OCA2: variants seen among roughly 807,000 people sequenced by gnomAD.
OCA2 encodes OCA2 melanosomal transmembrane protein.
OCA2 carries 77 observed loss-of-function variants against 100.2 expected under a neutral mutation model. That is an observed-to-expected ratio of 0.77 (90% CI 0.64 to 0.93). The LOEUF is 0.93. Among genes scored for constraint, OCA2 ranks in the 40% least tolerant of loss-of-function variants. The probability of loss-of-function intolerance (pLI) is 0.00; values close to 1 mark genes in which losing one functional copy is unlikely to be tolerated. For synonymous variants in OCA2, 432 were observed against 439.2 expected (o/e 0.98, Z 0.21); for missense variants, 1,062 against 1,089.1 (o/e 0.98, Z 0.35).
At chr15:27,853,340 G>A (rs62003800) in intron 21 of OCA2, among the ~76,000 whole-genome samples, 43,600 of 133,252 alleles carry the variant, frequency 0.33, 6,113 homozygotes, top group Middle Eastern at 0.48. Flanking sequence ...ACCAAACACC[G>A]CATATTCTCA....
At chr15:28,023,821 C>G (rs762458538) in intron 5 of OCA2, among the ~76,000 whole-genome samples, 2 of 150,480 alleles carry the variant, frequency 1.3e-5, no homozygotes, top group Non-Finnish European at 3.0e-5. Context: ...CAGAGACATA[C>G]AGCAGGCACA....
intron 23 of OCA2, among the ~76,000 whole-genome samples, chr15:27,776,974 T>TGGGGGGGGGGGGGG (rs368182175): frequency 2.3e-5 from 1 of 43,166 alleles, no homozygotes; most frequent in African/African-American, 5.8e-5. Flanking sequence ...GAGCGTGAGG[T>TGGGGGGGGGGGGGG]GGGGGGGGGT....
chr15:27,791,667 A>T (rs2033088304), intron 23 of OCA2, among the ~76,000 whole-genome samples: 1 of 152,190 alleles, frequency 6.6e-6, no homozygotes, highest in African/African-American at 2.4e-5. Context: ...CGCAAAATAT[A>T]AACTCTTTAA....
chr15:27,723,682 C>T, the OCA2 span, among the ~76,000 whole-genome samples: 4 of 152,196 alleles, frequency 2.6e-5, no homozygotes, highest in Non-Finnish European at 4.4e-5. Flanking sequence ...CTCCGCCCAT[C>T]CTTGGTGAGT....
At chr15:27,750,328 A>C (rs778699231), downstream of OCA2, among the ~76,000 whole-genome samples, 49 of 152,348 alleles carry the variant, frequency 3.2e-4, no homozygotes, top group Middle Eastern at 6.8e-3. Flanking sequence ...ATGGAATCTA[A>C]GTATATTACA....
chr15:28,018,612 GC>G lies in OCA2; in HGVS notation c.647-56del. The stretch of plus-strand genomic sequence containing the variant: ...CAGACAGGAGAAACCCCATGTCCCC[GC>G]CGCCCGCCAGACGCACACCCTCCTC... On this transcript the variant is annotated intron_variant, in intron 6 of 23. Transcript: ENST00000354638. 3 of 1,544,444 alleles carry G rather than the reference GC, an allele frequency of 1.9e-6. No individual in the cohort carries two copies. The South Asian group carries it at 3.4e-5, about 18-fold the overall frequency.
intron 2 of OCA2, among the ~76,000 whole-genome samples, chr15:28,074,061 C>T (rs3935880): frequency 0.071 from 10,794 of 151,940 alleles, 1,157 homozygotes; most frequent in African/African-American, 0.23. Flanking sequence ...AGGAATGTTA[C>T]ATAAATCAAC....
At chr15:27,985,663 C>T (rs1287628227) in intron 12 of OCA2, among the ~76,000 whole-genome samples, 2 of 151,620 alleles carry the variant, frequency 1.3e-5, no homozygotes, top group South Asian at 2.1e-4. Flanking sequence ...ACAGTTCCAT[C>T]ATTCAGAGTT....
At chr15:27,814,615 C>T (rs569366911) in intron 23 of OCA2, among the ~76,000 whole-genome samples, 6 of 152,290 alleles carry the variant, frequency 3.9e-5, no homozygotes, top group Admixed American at 1.3e-4. Flanking sequence ...CCGTGGCTCA[C>T]GCCTGAAATC....
At chr15:27,802,777 G>C (rs1566975145) in intron 23 of OCA2, among the ~76,000 whole-genome samples, 2 of 151,946 alleles carry the variant, frequency 1.3e-5, no homozygotes, top group Non-Finnish European at 2.9e-5. Flanking sequence ...AACTCAGGAG[G>C]GATCACAGAC....
intron 1 of OCA2, among the ~76,000 whole-genome samples, chr15:28,083,915 C>G (rs534508884): frequency 7.2e-5 from 11 of 152,214 alleles, no homozygotes; most frequent in Admixed American, 6.5e-4. Context: ...TCCTAAAACA[C>G]CCAGCTTCTT....
intron 17 of OCA2, among the ~76,000 whole-genome samples, chr15:27,952,158 G>A (rs2040053641): frequency 6.6e-6 from 1 of 152,216 alleles, no homozygotes; most frequent in African/African-American, 2.4e-5. Flanking sequence ...GCAGGTATCA[G>A]AGGATGACGG....
At chr15:27,875,745 A>G (rs1269348040) in intron 19 of OCA2, among the ~76,000 whole-genome samples, 2 of 151,786 alleles carry the variant, frequency 1.3e-5, no homozygotes. Flanking sequence ...CTTTTTTTTT[A>G]AGGTTTATTC....
chr15:27,770,444 C>T (rs1024789554), intron 23 of OCA2, among the ~76,000 whole-genome samples: 7 of 152,208 alleles, frequency 4.6e-5, no homozygotes, highest in Non-Finnish European at 1.0e-4. Context: ...GTCTGCTCTC[C>T]CTGAGAACCG....
the OCA2 span, among the ~76,000 whole-genome samples, chr15:27,722,814 T>TTC: frequency 3.3e-4 from 45 of 134,834 alleles, no homozygotes; most frequent in Admixed American, 9.7e-4. Flanking sequence ...CTCTCTCTCT[T>TTC]TCTCTCTCTC....
At chr15:27,856,202 C>T (rs184376252) in intron 21 of OCA2, among the ~76,000 whole-genome samples, 2 of 152,204 alleles carry the variant, frequency 1.3e-5, no homozygotes, top group Admixed American at 6.5e-5. Context: ...GGATTAGGGC[C>T]CACCCTGGTG....
chr15:27,903,303 A>G (rs2038035625), intron 19 of OCA2, among the ~76,000 whole-genome samples: 1 of 152,108 alleles, frequency 6.6e-6, no homozygotes, highest in South Asian at 2.1e-4. Context: ...CAAGCCCGCC[A>G]CGGCGGTGCT....
At chr15:27,794,848 T>C (rs1404408660) in intron 23 of OCA2, among the ~76,000 whole-genome samples, 1 of 152,168 alleles carries the variant, frequency 6.6e-6, no homozygotes, top group Non-Finnish European at 1.5e-5. Flanking sequence ...CAAATGCATT[T>C]TTTTTCCTCA....
In OCA2 at chr15:27,755,400, C is replaced by T; in HGVS notation, c.2505G>A (p.Val835=). 6.2e-7 allele frequency: 1 copy of T among 1,612,414 alleles called. No individual in the cohort carries two copies. The highest frequency in any genetic ancestry group is 8.5e-7 in the Non-Finnish European group (1 of 1,178,520). The change falls in exon 24 of 24, where the codon GTG becomes GTA. Residue 835 remains valine (V), a synonymous_variant. Coordinates refer to ENST00000354638, the MANE Select transcript of OCA2 (RefSeq NM_000275.3). ...AGATGGATGTCTATTAATTCCATCC[C>T]ACCACCACATGAGCCACAAGGAGAT... ...MCYLLVAHVV[V]GWN is the part of the protein sequence containing the mutation.
Sources: allele counts gnomAD v4.1 joint callset (sites outside exome capture counted in the v4.1 genomes callset), GRCh38; gene constraint gnomAD v4.1.1; transcripts MANE v1.5; gene names NCBI Gene and HGNC (gene_info 2026-07-23, HGNC 2026-07-21).